The following TPO variants were observed in gnomAD, a reference collection of about 807,000 sequenced individuals.
TPO encodes thyroid microsomal antigen.
A neutral mutation model predicts 96.9 loss-of-function variants in TPO; 78 were observed. The observed-to-expected ratio is 0.81, with a 90% confidence interval of 0.67 to 0.97. The LOEUF (loss-of-function observed/expected upper bound fraction) is 0.97, where lower values mean the gene tolerates loss of function less well. Among genes scored for constraint, TPO ranks in the 50% least tolerant of loss-of-function variants. The pLI is 0.00. For missense variants in TPO, 1,252 were observed against 1,274.8 expected (o/e 0.98, Z 0.27); for synonymous variants, 547 against 538.0 (o/e 1.02, Z -0.23).
At chr2:1,485,107 A>G (rs1330745682) in intron 9 of TPO, among the ~76,000 whole-genome samples, 2 of 133,450 alleles carry the variant, frequency 1.5e-5, no homozygotes, top group African/African-American at 2.9e-5. Flanking sequence ...CCCTGTGTCC[A>G]TGTGTTCTCA....
rs370599057 is a variant in TPO, at chr2:1,393,285, G to A, written n.180+18883G>A. ...CACAAGAACTCATTCACTATGAGGA[G>A]GATGCTGCTAACCCATTCGTGAGAA... On this transcript the variant is annotated intron_variant and non_coding_transcript_variant, in intron 1 of 5. Transcript: ENST00000497517. Among the ~76,000 whole-genome samples the A allele has an allele frequency of 2.1e-3, 314 of 152,338 alleles. 1 individual carries two copies. Among genetic ancestry groups the A allele is most frequent in the African/African-American group, 6.5e-3 (269 of 41,566 alleles).
intron 15 of TPO, among the ~76,000 whole-genome samples, chr2:1,523,361 CTG>C (rs1433617567): frequency 1.7e-5 from 2 of 121,034 alleles, no homozygotes; most frequent in Admixed American, 8.7e-5. Context: ...AATCCCCCCA[CTG>C]TGTTCAACCT....
At chr2:1,519,029 T>A (rs949528174) in intron 15 of TPO, among the ~76,000 whole-genome samples, 2 of 152,214 alleles carry the variant, frequency 1.3e-5, no homozygotes, top group African/African-American at 4.8e-5. Flanking sequence ...GAAGGCCATC[T>A]TGACGGGAAG....
At chr2:1,504,403 T>A (rs1311691252) in intron 14 of TPO, among the ~76,000 whole-genome samples, 2 of 152,110 alleles carry the variant, frequency 1.3e-5, no homozygotes, top group Non-Finnish European at 2.9e-5. Context: ...ACAGGCAGGA[T>A]TCATTACAGA....
At chr2:1,518,055 C>T (rs1011283956) in intron 15 of TPO, among the ~76,000 whole-genome samples, 4 of 152,108 alleles carry the variant, frequency 2.6e-5, no homozygotes, top group South Asian at 2.1e-4. Flanking sequence ...TCCTCACTGG[C>T]GGAGCCCCCA....
At chr2:1,440,518 G>T (rs1035790375) in intron 5 of TPO, among the ~76,000 whole-genome samples, 1 of 152,222 alleles carries the variant, frequency 6.6e-6, no homozygotes, top group East Asian at 1.9e-4. Flanking sequence ...AGTCGGTGCC[G>T]CAGGAGCTAC....
At chr2:1,383,187 A>T (rs9326163) in intron 1 of TPO, among the ~76,000 whole-genome samples, 8 of 151,942 alleles carry the variant, frequency 5.3e-5, no homozygotes, top group Non-Finnish European at 1.0e-4. Context: ...AATAAACACA[A>T]GTGTGCGTGT....
intron 15 of TPO, among the ~76,000 whole-genome samples, chr2:1,530,003 C>G (rs1677696841): frequency 7.2e-6 from 1 of 138,378 alleles, no homozygotes; most frequent in Admixed American, 7.6e-5. Flanking sequence ...CTCGCCCAAT[C>G]ACGACACTGT....
intron 15 of TPO, among the ~76,000 whole-genome samples, chr2:1,533,119 C>T (rs866689852): frequency 7.2e-6 from 1 of 139,356 alleles, no homozygotes; most frequent in Non-Finnish European, 1.5e-5. Context: ...GCAACCTCCC[C>T]AAATCCCCCA....
chr2:1,477,619 C>T lies in TPO; in HGVS notation c.1338+15C>T. ...CTCTGCACCAGGTGCGCGGGGTGGT[C>T]CTGGGCGCCCTGGGTGGCTGCGGGC... On this transcript the variant is annotated intron_variant, in intron 8 of 16. Transcript: ENST00000329066. 6.7e-7 allele frequency: 1 copy of T among 1,483,844 alleles called. No individual in the cohort carries two copies. Among genetic ancestry groups the T allele is most frequent in the Non-Finnish European group, 8.9e-7 (1 of 1,124,382 alleles). 91.9% of individuals were successfully genotyped at this position (1,483,844 alleles called of 1,614,324 possible).
chr2:1,437,842 G>T (rs534635132), intron 5 of TPO, among the ~76,000 whole-genome samples: 1 of 152,168 alleles, frequency 6.6e-6, no homozygotes, highest in East Asian at 1.9e-4. Flanking sequence ...GCCTGGGGGG[G>T]GGTCTGTGCC....
chr2:1,396,910 G>T (rs1255697037), intron 1 of TPO, among the ~76,000 whole-genome samples: 1 of 152,204 alleles, frequency 6.6e-6, no homozygotes, highest in Non-Finnish European at 1.5e-5. Context: ...TTATGTAGGA[G>T]TAAGTCATAG....
At chr2:1,539,691 C>T (rs1680497091) in intron 15 of TPO, among the ~76,000 whole-genome samples, 2 of 152,162 alleles carry the variant, frequency 1.3e-5, no homozygotes, top group South Asian at 4.2e-4. Flanking sequence ...GTAGGTATTA[C>T]AGTATTGTCT....
At chr2:1,416,358 G>A (rs906604164) in intron 2 of TPO, among the ~76,000 whole-genome samples, 11 of 152,174 alleles carry the variant, frequency 7.2e-5, no homozygotes, top group African/African-American at 2.7e-4. Flanking sequence ...TAAAACCAGA[G>A]TAAAACATGT....
intron 2 of TPO, among the ~76,000 whole-genome samples, chr2:1,422,388 C>CTCTCCTGGACAGACTTCGTGCAG (rs1573110964): frequency 3.9e-5 from 6 of 152,020 alleles, no homozygotes; most frequent in Admixed American, 6.6e-5. Flanking sequence ...GTGCAGGCGC[C>CTCTCCTGGACAGACTTCGTGCAG]GCGCTGGGCC....
intron 7 of TPO, among the ~76,000 whole-genome samples, chr2:1,463,155 C>G (rs936958420): frequency 1.3e-5 from 2 of 152,196 alleles, no homozygotes; most frequent in Non-Finnish European, 2.9e-5. Context: ...CAGGGTGGGT[C>G]TCCAGGGCAC....
intron 8 of TPO, among the ~76,000 whole-genome samples, chr2:1,480,253 A>G (rs1356939066): frequency 6.6e-6 from 1 of 151,696 alleles, no homozygotes; most frequent in Non-Finnish European, 1.5e-5. Context: ...TTCCTTTTGT[A>G]TTTTTTTCAG....
chr2:1,513,257 C>T (rs1674347740), intron 14 of TPO, among the ~76,000 whole-genome samples: 2 of 152,218 alleles, frequency 1.3e-5, no homozygotes, highest in Non-Finnish European at 2.9e-5. Flanking sequence ...CAGCAGAGGC[C>T]TCGGCTGAGT....
chr2:1,442,865 T>C (rs1341099647), intron 5 of TPO, among the ~76,000 whole-genome samples: 3 of 152,232 alleles, frequency 2.0e-5, no homozygotes, highest in Non-Finnish European at 4.4e-5. Flanking sequence ...ATGTAAATAA[T>C]GGCCACCTTT....
Sources: gnomAD v4.1 joint callset for allele counts (sites outside exome capture counted in the v4.1 genomes callset) on GRCh38, gnomAD v4.1.1 for gene constraint, MANE v1.5 for transcripts, NCBI Gene and HGNC (gene_info 2026-07-23, HGNC 2026-07-21) for gene names.